Variants in DPP10 observed in about 807,000 individuals in gnomAD.
The protein encoded by DPP10 is inactive dipeptidyl peptidase 10.
In DPP10, 33 loss-of-function variants were observed where a neutral mutation model predicts 120.9. That is an observed-to-expected ratio of 0.27 (90% CI 0.21 to 0.37). DPP10 has a LOEUF of 0.37. Among genes scored for constraint, DPP10 ranks in the 10% least tolerant of loss-of-function variants. The pLI is 1.00. For synonymous variants in DPP10, 337 were observed against 326.1 expected (o/e 1.03, Z -0.36); for missense variants, 816 against 942.8 (o/e 0.87, Z 1.76).
At chr2:115,551,985 C>G (rs991315033) in intron 5 of DPP10, among the ~76,000 whole-genome samples, 5 of 152,142 alleles carry the variant, frequency 3.3e-5, no homozygotes, top group Non-Finnish European at 7.3e-5. Flanking sequence ...TGCCCTTAAT[C>G]TTTCACTGAT....
At chr2:115,053,364 C>A (rs1223518400) in intron 1 of DPP10, among the ~76,000 whole-genome samples, 1 of 152,214 alleles carries the variant, frequency 6.6e-6, no homozygotes, top group African/African-American at 2.4e-5. Context: ...ATGCCAGACA[C>A]AAAGGTCACA....
intron 1 of DPP10, among the ~76,000 whole-genome samples, chr2:114,536,757 T>C (rs1686537357): frequency 6.6e-6 from 1 of 152,164 alleles, no homozygotes; most frequent in African/African-American, 2.4e-5. Context: ...CTCAGCTATG[T>C]CATTTTAATC....
chr2:115,331,291 G>T (rs139244171), intron 2 of DPP10, among the ~76,000 whole-genome samples: 1,697 of 152,284 alleles, frequency 0.011, 25 homozygotes, highest in African/African-American at 0.039. Context: ...AGATTTTGCT[G>T]AAGTTGCTTA....
At chr2:115,747,925 T>C (rs1678202557) in intron 10 of DPP10, among the ~76,000 whole-genome samples, 1 of 152,180 alleles carries the variant, frequency 6.6e-6, no homozygotes, top group Non-Finnish European at 1.5e-5. Flanking sequence ...TCTAATTTTT[T>C]TCCTTTCAAA....
chr2:114,622,761 G>T (rs1444512505), intron 1 of DPP10, among the ~76,000 whole-genome samples: 1 of 152,100 alleles, frequency 6.6e-6, no homozygotes, highest in Non-Finnish European at 1.5e-5. Context: ...TTGCCACCTT[G>T]CTACCGAAAA....
chr2:115,435,183 T>C lies in DPP10; in HGVS notation c.272-64327T>C, dbSNP rs1232483994. 2.6e-5 allele frequency among the ~76,000 whole-genome samples: 4 copies of C among 151,816 alleles called. No homozygotes were observed. In the East Asian group the frequency reaches 7.7e-4, roughly 29 times the overall value. On this transcript the variant is annotated intron_variant, in intron 3 of 25. Transcript: ENST00000410059. ...ATCTCTTCAACATGCTGATTTCCTT[T>C]CTTAGGCTGTGTACCCAGCAGCGAG...
chr2:115,815,794 ACAT>A, intron 21 of DPP10, 65 bp downstream of exon 21: 12 of 1,484,536 alleles, frequency 8.1e-6, no homozygotes, highest in African/African-American at 1.4e-5. Flanking sequence ...ATCCTATTAC[ACAT>A]TCACAGGAGG....
chr2:115,621,993 T>C (rs193166344), intron 5 of DPP10, among the ~76,000 whole-genome samples: 172 of 152,322 alleles, frequency 1.1e-3, no homozygotes, highest in Middle Eastern at 3.4e-3. Flanking sequence ...TTCTGTGTTT[T>C]TAATAGCTTT....
chr2:114,650,600 T>C (rs17783638), intron 1 of DPP10, among the ~76,000 whole-genome samples: 7,612 of 152,244 alleles, frequency 0.05, 250 homozygotes, highest in Middle Eastern at 0.12. Flanking sequence ...ATCCCATTAG[T>C]TTACATGAGA....
At chr2:115,178,990 T>A (rs2053893154) in intron 1 of DPP10, among the ~76,000 whole-genome samples, 1 of 152,228 alleles carries the variant, frequency 6.6e-6, no homozygotes, top group Admixed American at 6.5e-5. Context: ...CTAGATAGCA[T>A]TGGTCTACAT....
intron 5 of DPP10, among the ~76,000 whole-genome samples, chr2:115,631,037 C>CT (rs58468918): frequency 0.017 from 1,874 of 110,898 alleles, 66 homozygotes; most frequent in African/African-American, 0.069. Context: ...TGATCCTGGG[C>CT]TTTTTTTTTT....
chr2:115,180,837 A>G (rs2105140496), intron 1 of DPP10, among the ~76,000 whole-genome samples: 1 of 152,276 alleles, frequency 6.6e-6, no homozygotes, highest in Non-Finnish European at 1.5e-5. Flanking sequence ...GGAGGTAACT[A>G]TTTATAATGG....
chr2:115,535,118 T>G (rs1218600902), intron 5 of DPP10, among the ~76,000 whole-genome samples: 1 of 152,010 alleles, frequency 6.6e-6, no homozygotes, highest in Non-Finnish European at 1.5e-5. Context: ...TTACTTTAAT[T>G]AGATCCCATT....
intron 5 of DPP10, among the ~76,000 whole-genome samples, chr2:115,618,764 A>G (rs768436680): frequency 4.6e-5 from 7 of 152,160 alleles, no homozygotes; most frequent in Non-Finnish European, 7.3e-5. Context: ...GCATTACTCC[A>G]TGGAGTTGTG....
chr2:115,473,427 A>G (rs2074862055), intron 3 of DPP10, among the ~76,000 whole-genome samples: 1 of 152,198 alleles, frequency 6.6e-6, no homozygotes, highest in Non-Finnish European at 1.5e-5. Context: ...ATGCTAGTCA[A>G]TGAGTGAGGG....
intron 5 of DPP10, among the ~76,000 whole-genome samples, chr2:115,673,293 T>C (rs1178497577): frequency 2.6e-5 from 4 of 152,206 alleles, no homozygotes; most frequent in Admixed American, 2.6e-4. Flanking sequence ...GATGAGTTAA[T>C]CACTTTCTTT....
intron 3 of DPP10, among the ~76,000 whole-genome samples, chr2:115,476,598 A>G (rs1291095510): frequency 1.3e-5 from 2 of 152,168 alleles, no homozygotes; most frequent in African/African-American, 2.4e-5. Flanking sequence ...AGATCTCACT[A>G]TCATGAGGAC....
intron 5 of DPP10, among the ~76,000 whole-genome samples, chr2:115,533,509 A>G (rs1324192800): frequency 6.6e-6 from 1 of 152,104 alleles, no homozygotes; most frequent in Non-Finnish European, 1.5e-5. Context: ...ATCCTGTAAA[A>G]TGCATCCTGC....
intron 5 of DPP10, among the ~76,000 whole-genome samples, chr2:115,633,023 T>C (rs950428838): frequency 1.2e-4 from 19 of 152,300 alleles, no homozygotes; most frequent in Admixed American, 6.5e-4. Flanking sequence ...GACAGTGTGG[T>C]GATTCCTCAA....
Sources: allele counts gnomAD v4.1 joint callset (sites outside exome capture counted in the v4.1 genomes callset), GRCh38; gene constraint gnomAD v4.1.1; transcripts MANE v1.5; gene names NCBI Gene and HGNC (gene_info 2026-07-23, HGNC 2026-07-21).